Variants in NRG1 observed in about 807,000 individuals in gnomAD.
NRG1 encodes pro-neuregulin-1, membrane-bound isoform.
A neutral mutation model predicts 63.8 loss-of-function variants in NRG1; 18 were observed. The observed-to-expected ratio is 0.28, with a 90% CI of 0.19 to 0.42. NRG1 has a LOEUF of 0.42. Among genes scored for constraint, NRG1 ranks in the 10% least tolerant of loss-of-function variants. The probability of loss-of-function intolerance (pLI) is 1.00; values close to 1 mark genes in which losing one functional copy is unlikely to be tolerated. For missense variants in NRG1, 762 were observed against 814.7 expected (o/e 0.94, Z 0.79); for synonymous variants, 302 against 301.3 (o/e 1.00, Z -0.02).
chr8:32,269,223 T>A (rs1168095914), intron 1 of NRG1, among the ~76,000 whole-genome samples: 1 of 152,194 alleles, frequency 6.6e-6, no homozygotes, highest in Non-Finnish European at 1.5e-5. Flanking sequence ...CCTTTAGATA[T>A]CTTAATTATC....
At chr8:32,736,452 C>T (rs565931847) in intron 6 of NRG1, among the ~76,000 whole-genome samples, 2 of 152,262 alleles carry the variant, frequency 1.3e-5, no homozygotes, top group East Asian at 1.9e-4. Flanking sequence ...ACTGCCACCT[C>T]GAGTTTACAC....
chr8:31,901,782 T>G (rs1045379141), intron 1 of NRG1, among the ~76,000 whole-genome samples: 2 of 152,220 alleles, frequency 1.3e-5, no homozygotes, highest in Non-Finnish European at 2.9e-5. Context: ...TCATTGAAGC[T>G]CCAGGAAGAT....
intron 1 of NRG1, among the ~76,000 whole-genome samples, chr8:32,437,343 T>C (rs945249724): frequency 2.6e-5 from 4 of 152,134 alleles, no homozygotes; most frequent in Non-Finnish European, 5.9e-5. Flanking sequence ...TTTGTTTTTG[T>C]CATTGCACTC....
intron 1 of NRG1, among the ~76,000 whole-genome samples, chr8:31,769,802 G>A (rs1818436039): frequency 6.6e-6 from 1 of 152,114 alleles, no homozygotes; most frequent in South Asian, 2.1e-4. Context: ...CTTTAGAAAG[G>A]GAAGCAAGGA....
intron 1 of NRG1, among the ~76,000 whole-genome samples, chr8:32,210,144 A>G (rs1844542783): frequency 6.6e-6 from 1 of 152,230 alleles, no homozygotes; most frequent in Admixed American, 6.5e-5. Context: ...GTAAAGCAGC[A>G]ATACTTAAAC....
chr8:32,576,597 G>T (rs960310896), intron 1 of NRG1, among the ~76,000 whole-genome samples: 3 of 151,898 alleles, frequency 2.0e-5, no homozygotes, highest in Admixed American at 2.0e-4. Flanking sequence ...GACTTTATGG[G>T]GTGGACATTA....
At chr8:32,751,131 CAG>C (rs1828644673) in intron 7 of NRG1, 1 of 152,160 alleles carries the variant, frequency 6.6e-6, no homozygotes, top group African/African-American at 2.4e-5. Flanking sequence ...AGAAAAGACA[CAG>C]GGGGCTGCTA....
At chr8:31,822,274 G>T (rs757095121) in intron 1 of NRG1, among the ~76,000 whole-genome samples, 1 of 152,180 alleles carries the variant, frequency 6.6e-6, no homozygotes, top group Non-Finnish European at 1.5e-5. Context: ...GGAAGACAGA[G>T]GATAAATGTT....
intron 1 of NRG1, among the ~76,000 whole-genome samples, chr8:32,103,903 GTT>G (rs1830903390): frequency 2.0e-5 from 3 of 152,120 alleles, no homozygotes; most frequent in Non-Finnish European, 1.5e-5. Context: ...TCCTTTATCT[GTT>G]GATTATACCA....
At chr8:32,697,184 G>A (rs1813586513) in intron 5 of NRG1, among the ~76,000 whole-genome samples, 1 of 152,168 alleles carries the variant, frequency 6.6e-6, no homozygotes, top group Non-Finnish European at 1.5e-5. Flanking sequence ...TGTGAGCTGA[G>A]CTTGAGTCAG....
chr8:32,413,647 A>T (rs114873849), intron 1 of NRG1, among the ~76,000 whole-genome samples: 2,309 of 152,234 alleles, frequency 0.015, 58 homozygotes, highest in African/African-American at 0.053. Flanking sequence ...AAACAGACCT[A>T]ATAAAGTGGA....
At chr8:32,367,332 C>T (rs1167474445) in intron 1 of NRG1, among the ~76,000 whole-genome samples, 5 of 151,950 alleles carry the variant, frequency 3.3e-5, no homozygotes, top group African/African-American at 1.2e-4. Context: ...TGATAATATC[C>T]ATCCTTACTG....
chr8:32,200,094 A>C (rs577984633), intron 1 of NRG1, among the ~76,000 whole-genome samples: 1 of 152,146 alleles, frequency 6.6e-6, no homozygotes, highest in Non-Finnish European at 1.5e-5. Flanking sequence ...TAAACATTTA[A>C]TGGACTCACC....
chr8:32,507,890 G>A (rs906465046), intron 1 of NRG1, among the ~76,000 whole-genome samples: 3 of 152,078 alleles, frequency 2.0e-5, no homozygotes, highest in Non-Finnish European at 4.4e-5. Context: ...TAGAGATGGG[G>A]TTTCACCATG....
At chr8:31,882,248 A>G (rs762340992) in intron 1 of NRG1, among the ~76,000 whole-genome samples, 1 of 150,532 alleles carries the variant, frequency 6.6e-6, no homozygotes, top group African/African-American at 2.4e-5. Flanking sequence ...AGAACAACTA[A>G]GCCTGGATGC....
At chr8:31,973,161 A>C (rs1449829046) in intron 1 of NRG1, among the ~76,000 whole-genome samples, 1 of 152,164 alleles carries the variant, frequency 6.6e-6, no homozygotes, top group African/African-American at 2.4e-5. Flanking sequence ...TCCCAAGTTC[A>C]TATGCTTAAA....
chr8:31,900,556 A>C (rs534495476), intron 1 of NRG1, among the ~76,000 whole-genome samples: 6 of 152,362 alleles, frequency 3.9e-5, no homozygotes, highest in African/African-American at 1.4e-4. Flanking sequence ...CATGAACTTT[A>C]GGAAAGAGTC....
At chr8:31,933,810 G>A (rs571723939) in intron 1 of NRG1, among the ~76,000 whole-genome samples, 1 of 152,250 alleles carries the variant, frequency 6.6e-6, no homozygotes, top group South Asian at 2.1e-4. Flanking sequence ...TTCTGTCTCT[G>A]TAAGTTACCA....
chr8:32,103,707 A>G (rs1057366757), intron 1 of NRG1, among the ~76,000 whole-genome samples: 15 of 151,860 alleles, frequency 9.9e-5, no homozygotes, highest in Non-Finnish European at 2.1e-4. Flanking sequence ...AGGTGAGAAT[A>G]TGGCAGCTTG....
Sources: allele counts gnomAD v4.1 joint callset (sites outside exome capture counted in the v4.1 genomes callset), GRCh38; gene constraint gnomAD v4.1.1; transcripts MANE v1.5; gene names NCBI Gene and HGNC (gene_info 2026-07-23, HGNC 2026-07-21).